Variants in SEPHS1 observed in about 807,000 individuals in gnomAD.
SEPHS1 encodes the protein selenophosphate synthetase 1.
In SEPHS1, 7 loss-of-function variants were observed where a neutral mutation model predicts 39.2. The ratio of observed to expected loss-of-function variants is 0.18; its 90% CI spans 0.10 to 0.34. The LOEUF is 0.34. SEPHS1 is among the 10% of genes least tolerant of loss of function. SEPHS1 has a pLI of 1.00. For missense variants in SEPHS1, 253 were observed against 514.5 expected, an observed-to-expected ratio of 0.49 and a Z score of 4.92; for synonymous variants, 190 against 195.5, an observed-to-expected ratio of 0.97 and a Z score of 0.23.
chr10:13,322,727 T>A (rs1252582228), intron 8 of SEPHS1, 108 bp downstream of exon 8: 93 of 1,023,434 alleles, frequency 9.1e-5, no homozygotes, highest in Non-Finnish European at 8.7e-6. Context: ...GTCAGCAGCA[T>A]GGAACTCGAA....
chr10:13,323,305 G>A (rs1008547976), intron 7 of SEPHS1, among the ~76,000 whole-genome samples: 1 of 152,122 alleles, frequency 6.6e-6, no homozygotes, highest in African/African-American at 2.4e-5. Flanking sequence ...GAGGGATTAT[G>A]ATCTCAGTGG....
chr10:13,322,748 G>T, intron 8 of SEPHS1, 87 bp downstream of exon 8: 1 of 1,235,682 alleles, frequency 8.1e-7, no homozygotes, highest in Non-Finnish European at 1.1e-6. Context: ...CAGAGTGGGG[G>T]CCCACTCGGG....
intron 2 of SEPHS1, among the ~76,000 whole-genome samples, chr10:13,341,014 T>A (rs191037930): frequency 2.0e-5 from 3 of 152,384 alleles, no homozygotes; most frequent in Non-Finnish European, 2.9e-5. Flanking sequence ...TTTTATATAT[T>A]GTGTTAAATA....
chr10:13,334,295 C>G (rs1048460013), intron 4 of SEPHS1, among the ~76,000 whole-genome samples: 18 of 152,176 alleles, frequency 1.2e-4, no homozygotes, highest in African/African-American at 4.3e-4. Context: ...ATTCCCAGCA[C>G]TTTGGGAGGC....
At chr10:13,347,151 T>G (rs550936260) in intron 1 of SEPHS1, 1 of 151,692 alleles carries the variant, frequency 6.6e-6, no homozygotes, top group African/African-American at 2.4e-5. Context: ...AAGCAACGTT[T>G]AGCCCTTTCC....
At chr10:13,319,828 AAC>A (rs907754275) in intron 8 of SEPHS1, among the ~76,000 whole-genome samples, 1 of 152,176 alleles carries the variant, frequency 6.6e-6, no homozygotes, top group African/African-American at 2.4e-5. Context: ...GTAAACTCCT[AAC>A]ACACACACAT....
At chr10:13,336,458 G>A in intron 3 of SEPHS1, 108 bp from the exon 4 acceptor site, 1 of 789,442 alleles carries the variant, frequency 1.3e-6, no homozygotes, top group Non-Finnish European at 2.2e-6. Flanking sequence ...CTTTCCAGGA[G>A]TAGCAGCTAC....
At chr10:13,330,352 G>A (rs1378896953) in intron 5 of SEPHS1, among the ~76,000 whole-genome samples, 4 of 152,086 alleles carry the variant, frequency 2.6e-5, no homozygotes, top group Non-Finnish European at 4.4e-5. Context: ...CTAATGTCTT[G>A]GTGATTTCTG....
chr10:13,340,761 G>A (rs566669462), intron 2 of SEPHS1: 2 of 152,340 alleles, frequency 1.3e-5, no homozygotes, highest in African/African-American at 2.4e-5. Context: ...GGATTCTTGA[G>A]CACGCCCCTA....
At chr10:13,325,552 G>C (rs893351883) in intron 7 of SEPHS1, among the ~76,000 whole-genome samples, 1 of 152,226 alleles carries the variant, frequency 6.6e-6, no homozygotes, top group Non-Finnish European at 1.5e-5. Context: ...CATCTGCCAC[G>C]ACTGTAAGTT....
chr10:13,347,188 T>G (rs1481202851), intron 1 of SEPHS1: 2 of 37,142 alleles, frequency 5.4e-5, no homozygotes, highest in African/African-American at 2.1e-4. Context: ...CATGGTTTGG[T>G]TTTTTTTTTT....
In SEPHS1 at chr10:13,344,747, G is replaced by A. The variant is rs778222445; in HGVS notation, c.193+11C>T. The stretch of plus-strand genomic sequence containing the variant: ...GATCGCAGACCATCAAAGAAACACT[G>A]GGTTACCTACCAAGCCTTGGCATAA... On this transcript the variant is annotated intron_variant, in intron 2 of 8. Coordinates refer to ENST00000327347, the MANE Select transcript of SEPHS1 (RefSeq NM_012247.5). The A allele has an allele frequency of 6.8e-7, 1 of 1,474,740 alleles. No homozygotes were observed. The highest frequency in any genetic ancestry group is 9.1e-7 in the Non-Finnish European group (1 of 1,102,310). 91.4% of individuals were successfully genotyped at this position (1,474,740 alleles called of 1,614,324 possible).
intron 7 of SEPHS1, among the ~76,000 whole-genome samples, chr10:13,323,623 G>C (rs1203305881): frequency 1.3e-5 from 2 of 151,944 alleles, no homozygotes; most frequent in Non-Finnish European, 2.9e-5. Flanking sequence ...AAAGTGCTGG[G>C]ATTACAGATG....
chr10:13,343,588 C>T (rs1833852323), intron 2 of SEPHS1, among the ~76,000 whole-genome samples: 1 of 152,078 alleles, frequency 6.6e-6, no homozygotes, highest in South Asian at 2.1e-4. Flanking sequence ...CTGAGGCAGG[C>T]AGATCACCTG....
rs1467804795 is a variant in SEPHS1 at position 13,323,377 on chromosome 10, T to C, written c.752-330A>G. Reference sequence around the variant, plus strand: ...CCGGCACTTTTTTCCTTTTTTGAGATGGAGTCTCGCTCTGTCATCCAGGCT... The same window carrying C: ...CCGGCACTTTTTTCCTTTTTTGAGACGGAGTCTCGCTCTGTCATCCAGGCT... On this transcript the variant is annotated intron_variant, in intron 7 of 8. Transcript: ENST00000327347. 2.0e-5 allele frequency among the ~76,000 whole-genome samples: 3 copies of C among 152,072 alleles called. No homozygotes were observed. In the South Asian group the frequency reaches 6.2e-4, roughly 32 times the overall value.
intron 6 of SEPHS1, among the ~76,000 whole-genome samples, chr10:13,328,998 A>T (rs1223784421): frequency 6.6e-6 from 1 of 152,222 alleles, no homozygotes; most frequent in Non-Finnish European, 1.5e-5. Context: ...AAAGACGTGT[A>T]ATTATTGATT....
At chr10:13,337,343 A>G (rs1833666802) in intron 3 of SEPHS1, among the ~76,000 whole-genome samples, 1 of 152,250 alleles carries the variant, frequency 6.6e-6, no homozygotes, top group East Asian at 1.9e-4. Flanking sequence ...ACAATTCAAC[A>G]GAAATGTGGT....
At chr10:13,331,537 G>A (rs959737427) in intron 5 of SEPHS1, among the ~76,000 whole-genome samples, 1 of 151,994 alleles carries the variant, frequency 6.6e-6, no homozygotes, top group African/African-American at 2.4e-5. Flanking sequence ...GCCTGCCATC[G>A]TGCCCGGCTA....
chr10:13,330,273 G>A (rs1402727518), intron 5 of SEPHS1, among the ~76,000 whole-genome samples: 1 of 152,116 alleles, frequency 6.6e-6, no homozygotes, highest in Admixed American at 6.6e-5. Context: ...TATGATCACT[G>A]ATATGCTAGA....
Sources: allele counts gnomAD v4.1 joint callset (sites outside exome capture counted in the v4.1 genomes callset), GRCh38; gene constraint gnomAD v4.1.1; transcripts MANE v1.5; gene names NCBI Gene and HGNC (gene_info 2026-07-23, HGNC 2026-07-21).